Variants in TLCD4 observed in about 807,000 individuals in gnomAD.
TLCD4 encodes TLC domain containing 4.
A neutral mutation model predicts 24.2 loss-of-function variants in TLCD4; 7 were observed. The ratio of observed to expected loss-of-function variants is 0.29; its 90% CI spans 0.16 to 0.54. The LOEUF (loss-of-function observed/expected upper bound fraction) is 0.54. TLCD4 is among the 20% of genes least tolerant of loss of function. The pLI is 0.95. For missense variants in TLCD4, 259 were observed against 313.9 expected (o/e 0.82, Z 1.32); for synonymous variants, 103 against 106.4 (o/e 0.97, Z 0.20).
rs1445908442 is a variant in TLCD4 at position 95,194,467 on chromosome 1, A to G, written c.*2599A>G. 1 of 134,048 alleles carries G rather than the reference A, an allele frequency of 7.5e-6. No homozygotes were observed. Among genetic ancestry groups the G allele is most frequent in the East Asian group, 3.1e-4 (1 of 3,184 alleles). 8.3% of individuals were successfully genotyped at this position (134,048 alleles called of 1,614,324 possible). Reference sequence around the variant, plus strand: ...TGAATTTTTCATTTATTAAATGAAAAACGTTTGCTAGACATTTTAAATATT... The same window carrying G: ...TGAATTTTTCATTTATTAAATGAAAGACGTTTGCTAGACATTTTAAATATT... On this transcript the variant is annotated 3_prime_UTR_variant, in exon 7 of 7. Transcript: ENST00000370203.
chr1:95,166,016 G>T (rs1194834971), intron 5 of TLCD4, among the ~76,000 whole-genome samples: 1 of 152,186 alleles, frequency 6.6e-6, no homozygotes, highest in African/African-American at 2.4e-5. Flanking sequence ...AATATCAGAA[G>T]GTTTATATGA....
At chr1:95,140,303 G>C (rs1677162684) in intron 1 of TLCD4, among the ~76,000 whole-genome samples, 1 of 152,160 alleles carries the variant, frequency 6.6e-6, no homozygotes, top group Non-Finnish European at 1.5e-5. Flanking sequence ...AAACACGTGA[G>C]TAATGTGTTG....
chr1:95,179,734 TCTTCA>T (rs980451705), intron 6 of TLCD4, among the ~76,000 whole-genome samples: 6 of 152,192 alleles, frequency 3.9e-5, no homozygotes, highest in Non-Finnish European at 8.8e-5. Flanking sequence ...AAATATGAGC[TCTTCA>T]GTGTGACACA....
the TLCD4 span, among the ~76,000 whole-genome samples, chr1:95,101,677 G>T: frequency 6.6e-6 from 1 of 152,144 alleles, no homozygotes; most frequent in Non-Finnish European, 1.5e-5. Context: ...GTTGCAGGTG[G>T]TGTGAAAAAC....
chr1:95,114,675 C>A (rs1676395284), upstream of TLCD4, among the ~76,000 whole-genome samples: 1 of 151,938 alleles, frequency 6.6e-6, no homozygotes, highest in Non-Finnish European at 1.5e-5. Flanking sequence ...ATTAGAAATA[C>A]AAAAATTAGC....
chr1:95,129,454 G>A (rs1002545248), intron 1 of TLCD4, among the ~76,000 whole-genome samples: 1 of 152,148 alleles, frequency 6.6e-6, no homozygotes, highest in Non-Finnish European at 1.5e-5. Flanking sequence ...GAAAGGGAGT[G>A]TAACAGGCCA....
intron 5 of TLCD4, among the ~76,000 whole-genome samples, chr1:95,154,488 A>G (rs1571749033): frequency 6.6e-6 from 1 of 152,280 alleles, no homozygotes; most frequent in Non-Finnish European, 1.5e-5. Context: ...GGCACAGCTC[A>G]TTGGAGAAGG....
At chr1:95,120,762 T>C (rs1676546600) in intron 1 of TLCD4, among the ~76,000 whole-genome samples, 1 of 152,242 alleles carries the variant, frequency 6.6e-6, no homozygotes, top group South Asian at 2.1e-4. Flanking sequence ...ATTTTTACAC[T>C]GAGACCCAGG....
the TLCD4 span, among the ~76,000 whole-genome samples, chr1:95,096,612 C>T: frequency 8.9e-4 from 136 of 152,202 alleles, 1 homozygote; most frequent in Admixed American, 1.8e-3. Flanking sequence ...TGACTCAAGC[C>T]CCTATTACAC....
At chr1:95,146,180 A>T (rs947062935) in intron 2 of TLCD4, among the ~76,000 whole-genome samples, 1 of 152,030 alleles carries the variant, frequency 6.6e-6, no homozygotes, top group African/African-American at 2.4e-5. Flanking sequence ...AATGGAGGAG[A>T]AAAAATCACT....
Position 95,129,247 on chromosome 1 carries a change from G to A in TLCD4, c.-12+11630G>A, listed in dbSNP as rs527398934. 1.7e-4 allele frequency among the ~76,000 whole-genome samples: 26 copies of A among 152,270 alleles called. No homozygotes were observed. In the South Asian group the frequency reaches 5.2e-3, roughly 30 times the overall value. On this transcript the variant is annotated intron_variant, in intron 1 of 6. Coordinates refer to ENST00000370203, the MANE Select transcript of TLCD4 (RefSeq NM_152487.3). Reference sequence around the variant, plus strand: ...GGTCTGTAGCAGGCAGAATTGATCAGTTTCTCTTTAACTTGAACTCTGTTA... The same window carrying A: ...GGTCTGTAGCAGGCAGAATTGATCAATTTCTCTTTAACTTGAACTCTGTTA...
chr1:95,127,236 G>A (rs1156492115), intron 1 of TLCD4, among the ~76,000 whole-genome samples: 1 of 152,116 alleles, frequency 6.6e-6, no homozygotes, highest in Non-Finnish European at 1.5e-5. Flanking sequence ...ATGCTAACTT[G>A]TTCTTCAGCC....
chr1:95,128,785 C>A (rs1328641265), intron 1 of TLCD4, among the ~76,000 whole-genome samples: 1 of 152,092 alleles, frequency 6.6e-6, no homozygotes, highest in Non-Finnish European at 1.5e-5. Context: ...GCAGGGGAGC[C>A]TGGGATATGA....
At chr1:95,165,178 C>T (rs916087823) in intron 5 of TLCD4, 1 of 152,168 alleles carries the variant, frequency 6.6e-6, no homozygotes, top group African/African-American at 2.4e-5. Context: ...CATTTTGCTG[C>T]AGCATATCCT....
At chr1:95,148,662 A>G (rs758391793) in intron 2 of TLCD4, 40 bp from the exon 3 acceptor site, 1 of 1,609,562 alleles carries the variant, frequency 6.2e-7, no homozygotes, top group Non-Finnish European at 8.5e-7. Context: ...TTTTATTGCA[A>G]AGAATCTAAA....
chr1:95,176,238 C>G (rs1302886101), intron 6 of TLCD4, among the ~76,000 whole-genome samples: 1 of 150,150 alleles, frequency 6.7e-6, no homozygotes, highest in Non-Finnish European at 1.5e-5. Context: ...GTCGCCCAGT[C>G]TGGAGTACAG....
At chr1:95,113,517 G>A (rs1676377519), upstream of TLCD4, among the ~76,000 whole-genome samples, 1 of 152,274 alleles carries the variant, frequency 6.6e-6, no homozygotes, top group South Asian at 2.1e-4. Flanking sequence ...TTATCATTTA[G>A]GAGATGAAGA....
chr1:95,095,400 A>G, the TLCD4 span, among the ~76,000 whole-genome samples: 6 of 151,658 alleles, frequency 4.0e-5, no homozygotes, highest in Non-Finnish European at 8.8e-5. Flanking sequence ...TTTTATTTTT[A>G]TTTTTATTTT....
At chr1:95,093,196 C>T in the TLCD4 span, among the ~76,000 whole-genome samples, 1 of 152,282 alleles carries the variant, frequency 6.6e-6, no homozygotes, top group Admixed American at 6.5e-5. Flanking sequence ...CAAGGAAGAA[C>T]CTCCCAGAGG....
Sources: gnomAD v4.1 joint callset for allele counts (sites outside exome capture counted in the v4.1 genomes callset) on GRCh38, gnomAD v4.1.1 for gene constraint, MANE v1.5 for transcripts, NCBI Gene and HGNC (gene_info 2026-07-23, HGNC 2026-07-21) for gene names.